The following SNTG2 variants were observed in gnomAD, a reference collection of about 807,000 sequenced individuals.
The protein encoded by SNTG2 is syntrophin gamma 2.
In SNTG2, 74 loss-of-function variants were observed where a neutral mutation model predicts 70.9. That is an observed-to-expected ratio of 1.04 (90% CI 0.86 to 1.27). SNTG2 has a LOEUF of 1.27. SNTG2 is among the 50% of genes most tolerant of loss of function. The pLI is 0.00. For synonymous variants in SNTG2, 278 were observed against 273.8 expected, an observed-to-expected ratio of 1.02 and a Z score of -0.15; for missense variants, 717 against 690.7, an observed-to-expected ratio of 1.04 and a Z score of -0.43.
At chr2:1,333,799 A>C (rs1330287131) in intron 16 of SNTG2, among the ~76,000 whole-genome samples, 3 of 152,240 alleles carry the variant, frequency 2.0e-5, no homozygotes, top group Non-Finnish European at 1.5e-5. Context: ...AGGATGGATC[A>C]AAGACTTAAA....
chr2:993,040 G>T (rs1280092537), intron 1 of SNTG2, among the ~76,000 whole-genome samples: 1 of 146,688 alleles, frequency 6.8e-6, no homozygotes, highest in African/African-American at 2.5e-5. Flanking sequence ...TTTACATAGT[G>T]TTGGTCATAC....
chr2:1,040,034 T>C lies in SNTG2; in HGVS notation c.73-43484T>C, dbSNP rs377563110. ...TGGGGTCAGGCATTCCTTATTCTTA[T>C]CCCAGATCTGCTTTGCAGGATTGGC... On this transcript the variant is annotated intron_variant, in intron 1 of 16. Coordinates refer to ENST00000308624, the MANE Select transcript of SNTG2 (RefSeq NM_018968.4). Among the ~76,000 whole-genome samples the C allele has an allele frequency of 2.0e-5, 3 of 152,156 alleles. No homozygotes were observed. In the South Asian group the frequency reaches 6.2e-4, roughly 32 times the overall value.
In SNTG2 at chr2:951,031, C is replaced by A; in HGVS notation, c.35C>A (p.Ser12Tyr). 1 of 1,266,948 alleles carries A rather than the reference C, an allele frequency of 7.9e-7. No individual in the cohort carries two copies. The highest frequency in any genetic ancestry group is 3.1e-5 in the South Asian group (1 of 32,464). The allele number at this position is 1,266,948 out of a possible 1,614,324, so 78.5% of individuals were successfully genotyped here. ...GTEGPPPPAASRGRQGCLLVP... is the reference protein window; with the variant it reads ...GTEGPPPPAAYRGRQGCLLVP... ...GAGGGACCCCCGCCCCCGGCCGCCT[C>A]CCGCGGACGCCAGGGCTGCCTGCTG... Residue 12 changes from serine (S) to tyrosine (Y), a missense_variant, in exon 1 of 17, where the codon TCC becomes TAC. By Grantham distance (144) the Ser-to-Tyr change is moderately radical. Transcript: ENST00000308624.
chr2:1,165,422 G>A (rs1039289840), intron 6 of SNTG2, 126 bp from the exon 7 acceptor site: 32 of 899,646 alleles, frequency 3.6e-5, no homozygotes, highest in African/African-American at 5.1e-5. Context: ...AAAGTTTTCC[G>A]TGTTTCAGAG....
At chr2:1,222,277 T>A (rs1297097722) in intron 9 of SNTG2, among the ~76,000 whole-genome samples, 1 of 152,268 alleles carries the variant, frequency 6.6e-6, no homozygotes, top group Non-Finnish European at 1.5e-5. Flanking sequence ...GCCCTGTCTA[T>A]GAAAAGATGC....
intron 4 of SNTG2, among the ~76,000 whole-genome samples, chr2:1,111,631 C>T (rs1382257202): frequency 4.6e-5 from 7 of 152,236 alleles, no homozygotes; most frequent in South Asian, 2.1e-4. Flanking sequence ...TTTAAATATA[C>T]ATAACACTTC....
intron 1 of SNTG2, among the ~76,000 whole-genome samples, chr2:1,005,665 G>T (rs555350494): frequency 2.7e-5 from 4 of 150,896 alleles, no homozygotes; most frequent in Non-Finnish European, 5.9e-5. Context: ...TTAGCCAGGC[G>T]TGGTGACATG....
Position 1,189,166 on chromosome 2 carries a change from C to T in SNTG2, c.591+15983C>T, listed in dbSNP as rs535978207. On this transcript the variant is annotated intron_variant, in intron 8 of 16. Coordinates refer to ENST00000308624, the MANE Select transcript of SNTG2 (RefSeq NM_018968.4). ...TACAATTATATTCAAAAATAGAAAG[C>T]GTAATAAAAATATGTTAAAATATAA... Among the ~76,000 whole-genome samples the T allele has an allele frequency of 6.6e-5, 10 of 151,816 alleles. 1 individual carries two copies. The highest frequency in any genetic ancestry group is 6.8e-3 in the Middle Eastern group (2 of 292).
intron 9 of SNTG2, among the ~76,000 whole-genome samples, chr2:1,227,950 CAGCCTCCCGCCTCGTGCAGGGGATGA>C (rs1335039807): frequency 3.3e-5 from 5 of 152,232 alleles, no homozygotes; most frequent in South Asian, 4.1e-4. Flanking sequence ...GAGAGGCTGG[CAGCCTCCCGCCTCGTGCAGGGGATGA>C]AGCCTCCCGC....
At chr2:998,457 GAAGC>G (rs1483621384) in intron 1 of SNTG2, among the ~76,000 whole-genome samples, 2 of 151,910 alleles carry the variant, frequency 1.3e-5, no homozygotes, top group African/African-American at 2.4e-5. Flanking sequence ...GATATTAAAA[GAAGC>G]AAATAAACAG....
intron 1 of SNTG2, among the ~76,000 whole-genome samples, chr2:1,007,709 C>T (rs994792788): frequency 5.3e-5 from 8 of 152,160 alleles, no homozygotes; most frequent in Non-Finnish European, 1.2e-4. Context: ...AAAAGATGCA[C>T]ATCCCTTGTA....
At chr2:1,221,503 C>CTGCCTCTG (rs1674853247) in intron 9 of SNTG2, among the ~76,000 whole-genome samples, 3 of 6,160 alleles carry the variant, frequency 4.9e-4, no homozygotes, top group Non-Finnish European at 7.0e-4. Flanking sequence ...CTCTCTGTCT[C>CTGCCTCTG]TCTCTCTCTC....
intron 11 of SNTG2, chr2:1,242,742 A>G (rs1244976231): frequency 6.6e-6 from 1 of 152,234 alleles, no homozygotes; most frequent in African/African-American, 2.4e-5. Context: ...TTCTAGCTAA[A>G]GGAAAAGACC....
At chr2:1,148,463 CTG>C (rs1669244069) in intron 6 of SNTG2, among the ~76,000 whole-genome samples, 1 of 152,176 alleles carries the variant, frequency 6.6e-6, no homozygotes, top group East Asian at 1.9e-4. Flanking sequence ...TGTGCTGCTG[CTG>C]TGTGTGTTTT....
chr2:1,031,528 A>ATATATATATATATATATATTTTTTTTTTT, intron 1 of SNTG2, among the ~76,000 whole-genome samples: 2 of 59,118 alleles, frequency 3.4e-5, no homozygotes, highest in Non-Finnish European at 6.3e-5. Context: ...ATATATATAT[A>ATATATATATATATATATATTTTTTTTTTT]TTTTTTTTTT....
intron 14 of SNTG2, among the ~76,000 whole-genome samples, chr2:1,288,954 C>T (rs1234951029): frequency 6.6e-6 from 1 of 152,138 alleles, no homozygotes; most frequent in Non-Finnish European, 1.5e-5. Flanking sequence ...TTCTGGTCTA[C>T]TCTTACGCCT....
intron 14 of SNTG2, among the ~76,000 whole-genome samples, chr2:1,298,525 A>G (rs899371422): frequency 6.6e-6 from 1 of 152,180 alleles, no homozygotes; most frequent in African/African-American, 2.4e-5. Flanking sequence ...TAAACCAGTA[A>G]GCATTGGTAG....
Position 955,716 on chromosome 2 carries a change from G to A in SNTG2, c.72+4648G>A, listed in dbSNP as rs180916357. On this transcript the variant is annotated intron_variant, in intron 1 of 16. Coordinates refer to ENST00000308624, the MANE Select transcript of SNTG2 (RefSeq NM_018968.4). ...ATTCCATGGAAGAATGTTTCTGTTC[G>A]TTGAGCGGGTGTTTAGAAAATAATC... Among the ~76,000 whole-genome samples, 33 of 152,324 alleles carry A rather than the reference G, an allele frequency of 2.2e-4. 2 individuals are homozygous for A. The East Asian group carries it at 4.6e-3, about 21-fold the overall frequency.
intron 6 of SNTG2, among the ~76,000 whole-genome samples, chr2:1,145,770 A>G (rs1411629224): frequency 6.6e-6 from 1 of 152,236 alleles, no homozygotes; most frequent in East Asian, 1.9e-4. Flanking sequence ...TTATAGACCA[A>G]TATGTCTCAT....
Sources: gnomAD v4.1 joint callset for allele counts (sites outside exome capture counted in the v4.1 genomes callset) on GRCh38, gnomAD v4.1.1 for gene constraint, MANE v1.5 for transcripts, NCBI Gene and HGNC (gene_info 2026-07-23, HGNC 2026-07-21) for gene names.